The following RBFOX1 variants were observed in gnomAD, a reference collection of about 807,000 sequenced individuals.
The protein encoded by RBFOX1 is RNA binding protein fox-1 homolog 1.
RBFOX1 carries 8 observed loss-of-function variants against 57.7 expected under a neutral mutation model. The observed-to-expected ratio is 0.14, with a 90% confidence interval of 0.08 to 0.25. The LOEUF (loss-of-function observed/expected upper bound fraction) is 0.25, where lower values mean the gene tolerates loss of function less well. RBFOX1 is among the 10% of genes least tolerant of loss of function. The pLI is 1.00. For synonymous variants in RBFOX1, 326 were observed against 222.4 expected, an observed-to-expected ratio of 1.47 and a Z score of -4.15; for missense variants, 611 against 548.5, an observed-to-expected ratio of 1.11 and a Z score of -1.14.
At chr16:7,020,504 C>T (rs1365604741) in intron 3 of RBFOX1, among the ~76,000 whole-genome samples, 6 of 152,078 alleles carry the variant, frequency 3.9e-5, no homozygotes, top group Admixed American at 6.6e-5. Flanking sequence ...CAGGCGTCAG[C>T]CACCGCGCCC....
chr16:6,969,760 G>A (rs1237290048), intron 3 of RBFOX1, among the ~76,000 whole-genome samples: 2 of 151,744 alleles, frequency 1.3e-5, no homozygotes, highest in South Asian at 2.1e-4. Flanking sequence ...ATAAAAATAA[G>A]GTAACGTATC....
At chr16:5,875,463 A>G (rs1189709188) in intron 4 of RBFOX1, among the ~76,000 whole-genome samples, 1 of 152,190 alleles carries the variant, frequency 6.6e-6, no homozygotes, top group Non-Finnish European at 1.5e-5. Context: ...TAGCATGGGG[A>G]CAATTAAAGA....
At chr16:5,549,920 G>C (rs756925755) in intron 2 of RBFOX1, among the ~76,000 whole-genome samples, 1 of 152,168 alleles carries the variant, frequency 6.6e-6, no homozygotes, top group Non-Finnish European at 1.5e-5. Flanking sequence ...ACAATGAACT[G>C]AGGTTGCTGG....
chr16:5,623,368 C>A (rs1488902804), intron 3 of RBFOX1, among the ~76,000 whole-genome samples: 1 of 152,136 alleles, frequency 6.6e-6, no homozygotes, highest in Non-Finnish European at 1.5e-5. Flanking sequence ...CTTCCACAGT[C>A]AGTGATGTAC....
chr16:6,927,965 C>G (rs970723471), intron 3 of RBFOX1, among the ~76,000 whole-genome samples: 2 of 152,124 alleles, frequency 1.3e-5, no homozygotes, highest in Non-Finnish European at 2.9e-5. Context: ...GTTGCATCTC[C>G]GTAAAGTTTC....
intron 2 of RBFOX1, among the ~76,000 whole-genome samples, chr16:6,355,848 T>C (rs1255545470): frequency 6.6e-6 from 1 of 152,168 alleles, no homozygotes; most frequent in African/African-American, 2.4e-5. Flanking sequence ...TTCTTTCAAC[T>C]AGAAGTTGGT....
chr16:7,557,193 G>A (rs2088816231), intron 5 of RBFOX1, among the ~76,000 whole-genome samples: 1 of 152,080 alleles, frequency 6.6e-6, no homozygotes, highest in South Asian at 2.1e-4. Flanking sequence ...CATGGGGCCG[G>A]GTCTCGAACC....
intron 4 of RBFOX1, among the ~76,000 whole-genome samples, chr16:7,197,994 C>CT (rs1243993146): frequency 2.3e-5 from 2 of 85,286 alleles, no homozygotes; most frequent in Non-Finnish European, 2.4e-5. Flanking sequence ...GGTTTTCTTT[C>CT]TTTCTTTTTT....
chr16:5,458,965 C>G (rs2068711917), intron 1 of RBFOX1, among the ~76,000 whole-genome samples: 1 of 152,192 alleles, frequency 6.6e-6, no homozygotes, highest in African/African-American at 2.4e-5. Flanking sequence ...CTCTTTTCTC[C>G]TCCATCAAGA....
chr16:5,707,674 T>G (rs1316721023), intron 3 of RBFOX1, among the ~76,000 whole-genome samples: 3 of 152,212 alleles, frequency 2.0e-5, no homozygotes, highest in Non-Finnish European at 4.4e-5. Context: ...GCATCCTTGT[T>G]TGGAAACCTT....
intron 9 of RBFOX1, among the ~76,000 whole-genome samples, chr16:7,604,100 G>A (rs1270483009): frequency 1.3e-5 from 2 of 152,184 alleles, no homozygotes; most frequent in Non-Finnish European, 2.9e-5. Flanking sequence ...ATGAGGGTAA[G>A]AGAAGAATCA....
chr16:7,643,082 C>A (rs1278416808), intron 11 of RBFOX1, among the ~76,000 whole-genome samples: 1 of 152,202 alleles, frequency 6.6e-6, no homozygotes, highest in African/African-American at 2.4e-5. Context: ...AGGAAAGATA[C>A]AACAGCTAAC....
chr16:7,002,554 A>C (rs900221922), intron 3 of RBFOX1, among the ~76,000 whole-genome samples: 1 of 152,108 alleles, frequency 6.6e-6, no homozygotes, highest in African/African-American at 2.4e-5. Context: ...TCTACTAAAA[A>C]TACAAAAATT....
intron 3 of RBFOX1, among the ~76,000 whole-genome samples, chr16:7,001,960 C>T (rs917940502): frequency 1.3e-5 from 2 of 152,036 alleles, no homozygotes; most frequent in Admixed American, 6.6e-5. Context: ...TCTTCTTGTG[C>T]ACACGATTGA....
At chr16:6,395,221 G>T (rs974568867) in intron 2 of RBFOX1, among the ~76,000 whole-genome samples, 1 of 152,104 alleles carries the variant, frequency 6.6e-6, no homozygotes, top group African/African-American at 2.4e-5. Context: ...TTTTGTCAAA[G>T]AAAATAAAAA....
Position 5,915,979 on chromosome 16 carries a change from T to A in RBFOX1, c.351+48644T>A, listed in dbSNP as rs76938857. ...CACTGCCCTATGAACTTCACACAGC[T>A]TTCTTGGTAGAAGCAGTCTTATTTC... On this transcript the variant is annotated intron_variant, in intron 4 of 19. Coordinates refer to the RBFOX1 transcript ENST00000641259. Among the ~76,000 whole-genome samples, 563 of 152,348 alleles carry A rather than the reference T, an allele frequency of 3.7e-3. 1 individual carries two copies. Among genetic ancestry groups the A allele is most frequent in the Non-Finnish European group, 6.3e-3 (428 of 68,042 alleles).
chr16:6,659,163 A>G (rs1035803989), intron 3 of RBFOX1, among the ~76,000 whole-genome samples: 2 of 151,928 alleles, frequency 1.3e-5, no homozygotes, highest in African/African-American at 2.4e-5. Flanking sequence ...TATTATAAAG[A>G]CTGAGATTCA....
At chr16:7,148,625 C>T (rs765965298) in intron 4 of RBFOX1, among the ~76,000 whole-genome samples, 1 of 152,178 alleles carries the variant, frequency 6.6e-6, no homozygotes, top group Non-Finnish European at 1.5e-5. Context: ...TTCCCTTGTA[C>T]TTGTGATAAA....
In RBFOX1 at chr16:6,836,702, T is replaced by A. The variant is rs1441206504; in HGVS notation, c.-16+182052T>A. Among the ~76,000 whole-genome samples, 3 of 152,214 alleles carry A rather than the reference T, an allele frequency of 2.0e-5. No individual in the cohort carries two copies. In the East Asian group the frequency reaches 5.8e-4, roughly 29 times the overall value. Reference sequence around the variant, plus strand: ...CTAATTTATCCTGTGTGGACTATGATAGCTCCCTTGCTACAATAACATAGT... The same window carrying A: ...CTAATTTATCCTGTGTGGACTATGAAAGCTCCCTTGCTACAATAACATAGT... On this transcript the variant is annotated intron_variant, in intron 3 of 15. Coordinates refer to ENST00000550418, the MANE Select transcript of RBFOX1 (RefSeq NM_018723.4).
Sources: gnomAD v4.1 joint callset for allele counts (sites outside exome capture counted in the v4.1 genomes callset) on GRCh38, gnomAD v4.1.1 for gene constraint, MANE v1.5 for transcripts, NCBI Gene and HGNC (gene_info 2026-07-23, HGNC 2026-07-21) for gene names.